Variants in CFH observed in about 807,000 individuals in gnomAD.
CFH encodes H factor 1 (complement).
CFH carries 53 observed loss-of-function variants against 147.3 expected under a neutral mutation model. The observed-to-expected ratio is 0.36, with a 90% confidence interval of 0.29 to 0.45. The LOEUF (loss-of-function observed/expected upper bound fraction) is 0.45. Ranked by LOEUF, CFH falls within the 20% of genes least tolerant of loss-of-function variation. The pLI, the probability that CFH is intolerant of heterozygous loss-of-function variation, is 1.00. For synonymous variants in CFH, 536 were observed against 489.4 expected (o/e 1.10, Z -1.26); for missense variants, 1,380 against 1,498.0 (o/e 0.92, Z 1.30).
intron 14 of CFH, among the ~76,000 whole-genome samples, chr1:196,727,876 G>C (rs756562593): frequency 1.8e-4 from 28 of 152,236 alleles, no homozygotes; most frequent in Non-Finnish European, 2.8e-4. Flanking sequence ...CTCATGTCTT[G>C]ATCAGCAAGA....
chr1:196,661,980 G>A (rs1666925963), intron 1 of CFH, among the ~76,000 whole-genome samples: 1 of 152,202 alleles, frequency 6.6e-6, no homozygotes, highest in Non-Finnish European at 1.5e-5. Context: ...CAGGTAGTCA[G>A]AAAAGGAAGA....
chr1:196,726,707 T>G (rs1263036489), intron 13 of CFH, 54 bp from the exon 14 acceptor site: 1 of 1,603,948 alleles, frequency 6.2e-7, no homozygotes, highest in African/African-American at 1.3e-5. Flanking sequence ...ATTTTGTATC[T>G]AAAACACATA....
At chr1:196,715,126 C>A (rs1040059290) in intron 10 of CFH, among the ~76,000 whole-genome samples, 11 of 151,648 alleles carry the variant, frequency 7.3e-5, no homozygotes, top group Non-Finnish European at 1.6e-4. Context: ...ATTAATTATT[C>A]TTTTAAGATT....
Position 196,689,574 on chromosome 1 carries a change from T to C in CFH, c.1119T>C (p.His373=), listed in dbSNP as rs202000959. Residue 373 remains histidine (H), a synonymous_variant, in exon 8 of 22, where the codon CAT becomes CAC. Transcript: ENST00000367429. ...TPSGSYWDHI[H]CTQDGWSPAV... ...CAGGAAGTTACTGGGATCACATTCATTGCACACAAGATGGATGGTCGCCAG... is the reference window on the plus strand; with the variant it reads ...CAGGAAGTTACTGGGATCACATTCACTGCACACAAGATGGATGGTCGCCAG... 24 of 1,613,548 alleles carry C rather than the reference T, an allele frequency of 1.5e-5. No homozygotes were observed. The Admixed American group carries it at 3.2e-4, about 21-fold the overall frequency.
intron 19 of CFH, among the ~76,000 whole-genome samples, chr1:196,743,072 A>C (rs762984733): frequency 6.6e-6 from 1 of 152,152 alleles, no homozygotes; most frequent in Admixed American, 6.6e-5. Context: ...GTATCACATA[A>C]TCTATTTATG....
At chr1:196,663,226 C>G (rs1163324272) in intron 1 of CFH, among the ~76,000 whole-genome samples, 1 of 152,010 alleles carries the variant, frequency 6.6e-6, no homozygotes, top group Non-Finnish European at 1.5e-5. Context: ...TCTGGCTTTT[C>G]TATCCTCATT....
At chr1:196,720,922 A>G (rs1668983284) in intron 11 of CFH, among the ~76,000 whole-genome samples, 1 of 151,998 alleles carries the variant, frequency 6.6e-6, no homozygotes, top group African/African-American at 2.4e-5. Context: ...ATTCCCACCA[A>G]CAGCGTATAA....
chr1:196,728,228 A>G, intron 14 of CFH, 118 bp from the exon 15 acceptor site: 10 of 745,116 alleles, frequency 1.3e-5, no homozygotes, highest in Non-Finnish European at 2.0e-5. Context: ...GGTGAAATTT[A>G]TAATGATTAA....
intron 20 of CFH, among the ~76,000 whole-genome samples, chr1:196,745,401 TTGTC>T (rs1652965271): frequency 6.6e-6 from 1 of 152,184 alleles, no homozygotes; most frequent in South Asian, 2.1e-4. Context: ...ATGGATTTAT[TTGTC>T]TGTCAGCTCC....
intron 11 of CFH, among the ~76,000 whole-genome samples, chr1:196,717,128 T>C (rs542628632): frequency 1.3e-5 from 2 of 152,098 alleles, no homozygotes; most frequent in South Asian, 4.1e-4. Flanking sequence ...GCCATAGACA[T>C]AAAAATAAGG....
chr1:196,697,735 G>A (rs1668321296), intron 9 of CFH, among the ~76,000 whole-genome samples: 1 of 152,020 alleles, frequency 6.6e-6, no homozygotes, highest in Admixed American at 6.6e-5. Flanking sequence ...ATTCACAATA[G>A]CAAAGACTTG....
chr1:196,699,230 GT>G (rs34813609), intron 9 of CFH, among the ~76,000 whole-genome samples: 98,002 of 151,392 alleles, frequency 0.65, 32,110 homozygotes, highest in East Asian at 0.95. Flanking sequence ...GAGATAATGT[GT>G]TTTTTTTTCC....
intron 9 of CFH, among the ~76,000 whole-genome samples, chr1:196,708,602 A>G (rs1471147519): frequency 7.0e-5 from 7 of 99,382 alleles, no homozygotes; most frequent in Non-Finnish European, 1.4e-4. Flanking sequence ...CCATTTGTCT[A>G]TATTCCCCAT....
chr1:196,724,363 C>T (rs1293525852), intron 11 of CFH, among the ~76,000 whole-genome samples: 1 of 151,924 alleles, frequency 6.6e-6, no homozygotes, highest in Non-Finnish European at 1.5e-5. Flanking sequence ...GCAGCTCAGG[C>T]CCAAGGGGAA....
rs121913057 is a variant in CFH, at chr1:196,737,575, T to C, written c.2697T>C (p.Tyr899=). The C allele has an allele frequency of 3.7e-6, 6 of 1,613,346 alleles. No individual in the cohort carries two copies. Among genetic ancestry groups the C allele is most frequent in the African/African-American group, 2.7e-5 (2 of 74,892 alleles). ...ATGCACATGGGACTAAATTGAGTTA[T>C]ACTTGTGAGGGTGGTTTCAGGATAT... ...ESYAHGTKLS[Y]TCEGGFRISE... Residue 899 remains tyrosine, a synonymous_variant, in exon 17 of 22, where the codon TAT becomes TAC. Transcript: ENST00000367429.
intron 1 of CFH, among the ~76,000 whole-genome samples, chr1:196,668,969 T>C (rs954530584): frequency 6.6e-6 from 1 of 152,132 alleles, no homozygotes; most frequent in Non-Finnish European, 1.5e-5. Context: ...GACAGGAAGA[T>C]GTGGGAAAGC....
chr1:196,712,669 G>A (rs1668749527), intron 9 of CFH, among the ~76,000 whole-genome samples: 2 of 151,264 alleles, frequency 1.3e-5, no homozygotes, highest in African/African-American at 2.4e-5. Flanking sequence ...ACAATGTGCA[G>A]GTTAGTTACA....
Position 196,685,204 on chromosome 1 carries a change from A to C in CFH, c.931A>C (p.Ser311Arg). The C allele has an allele frequency of 6.2e-7, 1 of 1,613,028 alleles. No homozygotes were observed. The highest frequency in any genetic ancestry group is 8.5e-7 in the Non-Finnish European group (1 of 1,179,292). Reference protein sequence around the residue: ...ATRGNTAKCTSTGWIPAPRCT... With the variant: ...ATRGNTAKCTRTGWIPAPRCT... Reference sequence around the variant, plus strand: ...CCGGGGAAATACAGCAAAATGCACAAGTACTGGCTGGATACCTGCTCCGAG... The same window carrying C: ...CCGGGGAAATACAGCAAAATGCACACGTACTGGCTGGATACCTGCTCCGAG... Residue 311 changes from serine (S) to arginine (R), a missense_variant, in exon 7 of 22, where the codon AGT (serine) becomes CGT (arginine). This residue lies in a region of CFH where 167 missense variants were observed against 228.0 expected (regional missense o/e 0.73). Coordinates refer to ENST00000367429, the MANE Select transcript of CFH (RefSeq NM_000186.4).
At chr1:196,741,667 A>G (rs1652812261) in intron 18 of CFH, 1 of 554,074 alleles carries the variant, frequency 1.8e-6, no homozygotes. Flanking sequence ...CAGTCTTCTA[A>G]TATCATTTCT....
Sources: allele counts gnomAD v4.1 joint callset (sites outside exome capture counted in the v4.1 genomes callset), GRCh38; gene constraint gnomAD v4.1.1; regional missense constraint gnomAD v4.1.1; transcripts MANE v1.5; gene names NCBI Gene and HGNC (gene_info 2026-07-23, HGNC 2026-07-21).